CORO1C: variants seen among roughly 807,000 people sequenced by gnomAD.
CORO1C encodes coronin-1C.
Under a neutral mutation model 51.2 loss-of-function variants are expected in CORO1C, and 14 were observed. That is an observed-to-expected ratio of 0.27 (90% CI 0.18 to 0.43). CORO1C has a LOEUF of 0.43. CORO1C is among the 20% of genes least tolerant of loss of function. The pLI is 1.00. For synonymous variants in CORO1C, 181 were observed against 210.5 expected (o/e 0.86, Z 1.21); for missense variants, 417 against 607.8 (o/e 0.69, Z 3.30).
At chr12:108,691,148 C>A (rs1036211192) in intron 2 of CORO1C, among the ~76,000 whole-genome samples, 7 of 152,114 alleles carry the variant, frequency 4.6e-5, no homozygotes, top group African/African-American at 1.7e-4. Flanking sequence ...CAGTTCCACA[C>A]AAGCAAGAGG....
chr12:108,678,633 C>A (rs1479203736), intron 2 of CORO1C, among the ~76,000 whole-genome samples: 1 of 143,918 alleles, frequency 6.9e-6, no homozygotes, highest in Admixed American at 7.3e-5. Context: ...CACTAGCAGA[C>A]ATAGCAAAAG....
Position 108,652,400 on chromosome 12 carries a change from G to A in CORO1C, c.873C>T (p.Arg291=), listed in dbSNP as rs771361026. The stretch of plus-strand genomic sequence containing the variant: ...GGGATTCATCCGTGATCTCAAAATA[G>A]CGAATACTGCTGTCACCCTGTAAGA... ...YLCGKGDSSI[R]YFEITDESPY... The change falls in exon 8 of 11, where the codon CGC becomes CGT. Residue 291 remains arginine, a synonymous_variant. Coordinates refer to ENST00000261401, the MANE Select transcript of CORO1C (RefSeq NM_014325.4). 6.2e-7 allele frequency: 1 copy of A among 1,613,564 alleles called. No individual in the cohort carries two copies. The highest frequency in any genetic ancestry group is 1.1e-5 in the South Asian group (1 of 91,048).
chr12:108,692,520 G>T (rs981242686), intron 2 of CORO1C, among the ~76,000 whole-genome samples: 3 of 152,224 alleles, frequency 2.0e-5, no homozygotes, highest in Non-Finnish European at 2.9e-5. Flanking sequence ...GCACTGTCAG[G>T]AGACTGCCAT....
chr12:108,708,977 A>G (rs1029837238), intron 1 of CORO1C, among the ~76,000 whole-genome samples: 1 of 151,918 alleles, frequency 6.6e-6, no homozygotes, highest in Non-Finnish European at 1.5e-5. Flanking sequence ...TCTCTAACTA[A>G]TTGCTGGCTT....
At chr12:108,718,037 G>A (rs2035382195) in intron 1 of CORO1C, among the ~76,000 whole-genome samples, 1 of 151,574 alleles carries the variant, frequency 6.6e-6, no homozygotes, top group South Asian at 2.1e-4. Flanking sequence ...GGCCAATATT[G>A]TGAAACCCCA....
At chr12:108,704,040 C>G (rs1283040179) in intron 1 of CORO1C, among the ~76,000 whole-genome samples, 1 of 152,136 alleles carries the variant, frequency 6.6e-6, no homozygotes, top group Non-Finnish European at 1.5e-5. Flanking sequence ...AAAAGAGAGA[C>G]GATTTTTCCT....
chr12:108,675,590 T>C (rs912175000), intron 3 of CORO1C, among the ~76,000 whole-genome samples: 5 of 152,238 alleles, frequency 3.3e-5, no homozygotes, highest in Non-Finnish European at 5.9e-5. Flanking sequence ...CAAGCACTTA[T>C]CCTGCTTTCC....
At chr12:108,727,181 T>C (rs1011931917) in intron 1 of CORO1C, among the ~76,000 whole-genome samples, 2 of 152,238 alleles carry the variant, frequency 1.3e-5, no homozygotes, top group African/African-American at 4.8e-5. Flanking sequence ...TTCTGCCTTG[T>C]ATGGAAAGGC....
intron 3 of CORO1C, among the ~76,000 whole-genome samples, chr12:108,668,720 A>G (rs2033594989): frequency 3.3e-5 from 5 of 152,238 alleles, no homozygotes; most frequent in Admixed American, 3.3e-4. Flanking sequence ...CTCTGGAAGG[A>G]ACAATTATGC....
chr12:108,727,766 C>A (rs2035626452), intron 1 of CORO1C, among the ~76,000 whole-genome samples: 1 of 152,090 alleles, frequency 6.6e-6, no homozygotes, highest in African/African-American at 2.4e-5. Context: ...AATTTAAAAT[C>A]TTTGTTCCTA....
chr12:108,726,569 G>T (rs11114038), intron 1 of CORO1C, among the ~76,000 whole-genome samples: 17,241 of 151,420 alleles, frequency 0.11, 1,403 homozygotes, highest in African/African-American at 0.22. Flanking sequence ...TAGCACTTTC[G>T]GAGGCTAAGG....
At chr12:108,663,210 G>T (rs1210332473) in intron 3 of CORO1C, among the ~76,000 whole-genome samples, 1 of 152,242 alleles carries the variant, frequency 6.6e-6, no homozygotes, top group Non-Finnish European at 1.5e-5. Context: ...TGCACACATG[G>T]CTGGTGAAAA....
At chr12:108,670,588 A>C (rs1459612634) in intron 3 of CORO1C, among the ~76,000 whole-genome samples, 1 of 152,228 alleles carries the variant, frequency 6.6e-6, no homozygotes, top group Non-Finnish European at 1.5e-5. Context: ...CTATCTGAAT[A>C]TGTCAGAGAG....
At chr12:108,708,995 T>C (rs1416684407) in intron 1 of CORO1C, among the ~76,000 whole-genome samples, 1 of 152,052 alleles carries the variant, frequency 6.6e-6, no homozygotes, top group Non-Finnish European at 1.5e-5. Flanking sequence ...CTTTAAGGAA[T>C]ATTTCCATCT....
intron 1 of CORO1C, among the ~76,000 whole-genome samples, chr12:108,725,411 T>C (rs1190753601): frequency 2.6e-5 from 4 of 152,254 alleles, no homozygotes; most frequent in Non-Finnish European, 4.4e-5. Context: ...GCACTTCATA[T>C]AATTTTCCTT....
In CORO1C at chr12:108,647,256, TG is replaced by T. The variant is rs2032400878; in HGVS notation, c.*146del. 1 of 625,732 alleles carries T rather than the reference TG, an allele frequency of 1.6e-6. No individual in the cohort carries two copies. Among genetic ancestry groups the T allele is most frequent in the Non-Finnish European group, 2.6e-6 (1 of 378,904 alleles). 38.8% of individuals were successfully genotyped at this position (625,732 alleles called of 1,614,324 possible). A position where few individuals can be genotyped will look rare whatever the true frequency, so the allele number is the denominator to read the frequency against. On this transcript the variant is annotated 3_prime_UTR_variant, in exon 11 of 11. Transcript: ENST00000261401. ...GACAAATTGAGTTCTTACTGGAATG[TG>T]GCCTATCGCTGGTTGACAAATCTGA...
chr12:108,685,108 C>A (rs1405346799), intron 2 of CORO1C, among the ~76,000 whole-genome samples: 1 of 152,208 alleles, frequency 6.6e-6, no homozygotes, highest in Non-Finnish European at 1.5e-5. Flanking sequence ...AGTACTAGCA[C>A]TAGTTGTTCT....
chr12:108,657,550 G>C, intron 5 of CORO1C, 127 bp from the exon 6 acceptor site: 1 of 925,626 alleles, frequency 1.1e-6, no homozygotes, highest in Non-Finnish European at 1.6e-6. Context: ...AGGGAGGTCA[G>C]TGTTAACCAT....
intron 4 of CORO1C, 42 bp downstream of exon 4, chr12:108,661,987 A>G (rs1305041274): frequency 4.3e-6 from 7 of 1,611,370 alleles, no homozygotes; most frequent in South Asian, 1.1e-5. Flanking sequence ...GAGAGCCACA[A>G]GAGTGGAAGA....
Sources: gnomAD v4.1 joint callset for allele counts (sites outside exome capture counted in the v4.1 genomes callset) on GRCh38, gnomAD v4.1.1 for gene constraint, MANE v1.5 for transcripts, NCBI Gene and HGNC (gene_info 2026-07-23, HGNC 2026-07-21) for gene names.